TF: variants seen among roughly 807,000 people sequenced by gnomAD.
TF encodes the protein transferrin.
In TF, 55 loss-of-function variants were observed where a neutral mutation model predicts 82.4. The ratio of observed to expected loss-of-function variants is 0.67; its 90% CI spans 0.54 to 0.84. The LOEUF (loss-of-function observed/expected upper bound fraction) is 0.84, where lower values mean the gene tolerates loss of function less well. Among genes scored for constraint, TF ranks in the 40% least tolerant of loss-of-function variants. The pLI is 0.00. For missense variants in TF, 737 were observed against 868.4 expected (o/e 0.85, Z 1.90); for synonymous variants, 332 against 332.6 (o/e 1.00, Z 0.02).
chr3:133,727,420 T>G, the TF span, among the ~76,000 whole-genome samples: 5 of 140,510 alleles, frequency 3.6e-5, no homozygotes, highest in Non-Finnish European at 4.6e-5. Context: ...TGGCCTTCTT[T>G]GTCTCTTTTG....
the TF span, among the ~76,000 whole-genome samples, chr3:133,674,528 C>A: frequency 0.026 from 3,954 of 152,330 alleles, 88 homozygotes; most frequent in African/African-American, 0.058. Context: ...TCCCAAGAGG[C>A]GCTGCTTGCT....
rs2107949933 is a variant in TF at position 133,788,902 on chromosome 3, A to C, written c.*10282A>C. On this transcript the variant is annotated 3_prime_UTR_variant, in exon 17 of 17. Coordinates refer to ENST00000402696, the MANE Select transcript of TF (RefSeq NM_001063.4). ...CTCAGCTTCCATTTCCTATCATTAC[A>C]GTTCATGGCTATCATGCTAGTGGAA... The C allele has an allele frequency of 6.6e-6, 1 of 152,354 alleles. No individual in the cohort carries two copies. Among genetic ancestry groups the C allele is most frequent in the Admixed American group, 6.5e-5 (1 of 15,304 alleles). 9.4% of individuals were successfully genotyped at this position (152,354 alleles called of 1,614,324 possible). A position where few individuals can be genotyped will look rare whatever the true frequency, so the allele number is the denominator to read the frequency against.
chr3:133,663,997 T>C, the TF span, among the ~76,000 whole-genome samples: 21,912 of 152,212 alleles, frequency 0.14, 1,890 homozygotes, highest in Non-Finnish European at 0.2. Context: ...GTCTCTAGTA[T>C]CTACTCCTGG....
At position 133,779,719 on chromosome 3, in the gene TF, C is replaced by T. The variant is rs1934475990; in HGVS notation, c.*1099C>T. ...GTATCTATAGCTGTGACCCCAGCCTCCAGCAGTATCCCTGCACTTATACAT... is the reference window on the plus strand; with the variant it reads ...GTATCTATAGCTGTGACCCCAGCCTTCAGCAGTATCCCTGCACTTATACAT... On this transcript the variant is annotated 3_prime_UTR_variant, in exon 17 of 17. Transcript: ENST00000402696. 6.6e-6 allele frequency: 1 copy of T among 152,382 alleles called. No individual in the cohort carries two copies. The highest frequency in any genetic ancestry group is 1.5e-5 in the Non-Finnish European group (1 of 68,168). The allele number at this position is 152,382 out of a possible 1,614,324, so 9.4% of individuals were successfully genotyped here. A position where few individuals can be genotyped will look rare whatever the true frequency, so the allele number is the denominator to read the frequency against.
the TF span, among the ~76,000 whole-genome samples, chr3:133,735,390 C>T: frequency 6.6e-6 from 1 of 151,408 alleles, no homozygotes; most frequent in East Asian, 1.9e-4. Flanking sequence ...AGCCAGAACA[C>T]CTCTTCTCCT....
Position 133,746,445 on chromosome 3 carries a change from G to C in TF, c.5G>C (p.Arg2Thr). The stretch of plus-strand genomic sequence containing the variant: ...GCTCAGCGCCGCACCCGGAAGATGA[G>C]GCTCGCCGTGGGAGCCCTGCTGGTC... MRLAVGALLVCA... is the reference protein window; with the variant it reads MTLAVGALLVCA... The change falls in exon 1 of 17, where the codon AGG becomes ACG. Residue 2 changes from arginine to threonine, a missense_variant. Coordinates refer to ENST00000402696, the MANE Select transcript of TF (RefSeq NM_001063.4). 6.2e-7 allele frequency: 1 copy of C among 1,600,452 alleles called. No individual in the cohort carries two copies. The highest frequency in any genetic ancestry group is 8.5e-7 in the Non-Finnish European group (1 of 1,176,940).
the TF span, among the ~76,000 whole-genome samples, chr3:133,713,522 G>A: frequency 6.6e-6 from 1 of 152,300 alleles, no homozygotes; most frequent in African/African-American, 2.4e-5. Context: ...GGAACTTTTA[G>A]CACCTCCACA....
intron 11 of TF, 110 bp from the exon 12 acceptor site, chr3:133,766,161 TCAAGACA>T (rs1934121364): frequency 9.8e-7 from 1 of 1,016,390 alleles, no homozygotes; most frequent in African/African-American, 1.6e-5. Flanking sequence ...GAAGATCCTC[TCAAGACA>T]CAATGACTGA....
chr3:133,755,439 T>TC lies in TF; in HGVS notation c.581dup (p.Gly195ArgfsTer8). The TC allele has an allele frequency of 6.2e-7, 1 of 1,614,220 alleles. No individual in the cohort carries two copies. Among genetic ancestry groups the TC allele is most frequent in the Non-Finnish European group, 8.5e-7 (1 of 1,180,042 alleles). On this transcript the variant is annotated frameshift_variant, in exon 5 of 17. Transcript: ENST00000402696. LOFTEE classifies it high-confidence loss of function. ...ACTTCCCCCAGCTGTGTCAACTGTG[T>TC]CCAGGGTGTGGCTGCTCCACCCTTA...
At chr3:133,723,880 C>T in the TF span, among the ~76,000 whole-genome samples, 1 of 151,860 alleles carries the variant, frequency 6.6e-6, no homozygotes, top group Non-Finnish European at 1.5e-5. Context: ...TGTTCAATTC[C>T]CATCTATGAG....
At chr3:133,758,079 C>T (rs755882182) in intron 8 of TF, 133 bp downstream of exon 8, 3 of 777,856 alleles carry the variant, frequency 3.9e-6, no homozygotes, top group Non-Finnish European at 6.2e-6. Context: ...TCTGTGAGCC[C>T]AGTGTTAGAC....
chr3:133,668,238 TAATCCTCAA>T, the TF span, among the ~76,000 whole-genome samples: 1 of 152,214 alleles, frequency 6.6e-6, no homozygotes, highest in Admixed American at 6.5e-5. Flanking sequence ...GACTTTGATT[TAATCCTCAA>T]ATTTTCGCAG....
chr3:133,691,157 T>A, the TF span, among the ~76,000 whole-genome samples: 2 of 152,182 alleles, frequency 1.3e-5, no homozygotes, highest in Non-Finnish European at 2.9e-5. Context: ...AAAGAATGAT[T>A]TCCATGATGG....
the TF span, among the ~76,000 whole-genome samples, chr3:133,703,782 T>C: frequency 6.6e-6 from 1 of 152,234 alleles, no homozygotes; most frequent in African/African-American, 2.4e-5. Flanking sequence ...GAATTATTTA[T>C]TGAAAATCTT....
At chr3:133,710,658 C>T in the TF span, among the ~76,000 whole-genome samples, 1 of 152,214 alleles carries the variant, frequency 6.6e-6, no homozygotes, top group Admixed American at 6.5e-5. Flanking sequence ...AATCCCTCTA[C>T]CTGCACTTGG....
the TF span, among the ~76,000 whole-genome samples, chr3:133,729,811 C>G: frequency 6.4e-4 from 98 of 152,190 alleles, no homozygotes; most frequent in East Asian, 1.9e-3. Context: ...GCTCCTCCCC[C>G]CCGTTTGGTT....
intron 15 of TF, among the ~76,000 whole-genome samples, chr3:133,776,078 A>C (rs1428617145): frequency 6.6e-6 from 1 of 152,132 alleles, no homozygotes; most frequent in Admixed American, 6.5e-5. Context: ...TACTCTTGGG[A>C]CTAGGAATCT....
In TF at chr3:133,764,880, G is replaced by A. The variant is rs201067725; in HGVS notation, c.1303G>A (p.Asp435Asn). ...PVLAENYNKS[D>N]NCEDTPEAGY... ...CATTTTCTTTTCTCCTGCAGAGAGCGATAATTGTGAGGATACACCAGAGGC... is the reference window on the plus strand; with the variant it reads ...CATTTTCTTTTCTCCTGCAGAGAGCAATAATTGTGAGGATACACCAGAGGC... Residue 435 changes from aspartate (D) to asparagine (N), a missense_variant, in exon 11 of 17, where the codon GAT becomes AAT. Transcript: ENST00000402696. 2.8e-5 allele frequency: 45 copies of A among 1,614,002 alleles called. No individual in the cohort carries two copies. Among genetic ancestry groups the A allele is most frequent in the African/African-American group, 2.3e-4 (17 of 75,058 alleles).
At chr3:133,770,485 C>T (rs779121988) in intron 13 of TF, 23 bp from the exon 14 acceptor site, 11 of 1,612,788 alleles carry the variant, frequency 6.8e-6, no homozygotes, top group Admixed American at 1.7e-5. Context: ...TTTTTTTTCT[C>T]TCCCACTTCT....
Sources: gnomAD v4.1 joint callset for allele counts (sites outside exome capture counted in the v4.1 genomes callset) on GRCh38, gnomAD v4.1.1 for gene constraint, MANE v1.5 for transcripts, NCBI Gene and HGNC (gene_info 2026-07-23, HGNC 2026-07-21) for gene names.